CFAP299: variants seen among roughly 807,000 people sequenced by gnomAD.
CFAP299 encodes the protein cilia and flagella associated protein 299.
A neutral mutation model predicts 27.0 loss-of-function variants in CFAP299; 21 were observed. The ratio of observed to expected loss-of-function variants is 0.78; its 90% CI spans 0.55 to 1.12. The LOEUF (loss-of-function observed/expected upper bound fraction) is 1.12, where lower values mean the gene tolerates loss of function less well. Among genes scored for constraint, CFAP299 ranks in the 50% most tolerant of loss-of-function variants. CFAP299 has a pLI of 0.00. For missense variants in CFAP299, 310 were observed against 276.6 expected, an observed-to-expected ratio of 1.12 and a Z score of -0.86; for synonymous variants, 104 against 98.1, an observed-to-expected ratio of 1.06 and a Z score of -0.36.
intron 4 of CFAP299, among the ~76,000 whole-genome samples, chr4:80,910,193 A>T (rs1735397125): frequency 6.6e-6 from 1 of 152,142 alleles, no homozygotes; most frequent in South Asian, 2.1e-4. Context: ...AGAGCTGGTG[A>T]AGTTGCAGAG....
At chr4:80,858,927 C>G (rs868571461) in intron 3 of CFAP299, among the ~76,000 whole-genome samples, 1 of 151,856 alleles carries the variant, frequency 6.6e-6, no homozygotes, top group Non-Finnish European at 1.5e-5. Flanking sequence ...CTATTAGGTC[C>G]GCTTGGTGCA....
chr4:80,872,001 C>T (rs535266524), intron 4 of CFAP299: 1 of 144,504 alleles, frequency 6.9e-6, no homozygotes. Context: ...TTCTTTTTAT[C>T]TTCTACGCTA....
chr4:80,483,130 G>C (rs1406986135), intron 2 of CFAP299, among the ~76,000 whole-genome samples: 2 of 152,202 alleles, frequency 1.3e-5, no homozygotes, highest in African/African-American at 4.8e-5. Flanking sequence ...GTGGAGGAGG[G>C]GGGCAGAAAA....
At chr4:80,341,655 A>G (rs1473206344) in intron 1 of CFAP299, among the ~76,000 whole-genome samples, 1 of 152,134 alleles carries the variant, frequency 6.6e-6, no homozygotes, top group Non-Finnish European at 1.5e-5. Flanking sequence ...CCCCATAAAA[A>G]CCCCATTTAA....
intron 2 of CFAP299, among the ~76,000 whole-genome samples, chr4:80,451,226 G>A (rs1728889368): frequency 6.6e-6 from 1 of 152,136 alleles, no homozygotes; most frequent in Non-Finnish European, 1.5e-5. Flanking sequence ...GTCCTCAGGT[G>A]GTGTTTCCTC....
intron 3 of CFAP299, among the ~76,000 whole-genome samples, chr4:80,616,252 CCAAAATATG>C (rs1411431654): frequency 1.3e-5 from 2 of 152,070 alleles, no homozygotes; most frequent in African/African-American, 4.8e-5. Flanking sequence ...TCTGTTTGCT[CCAAAATATG>C]CAAAATAGAT....
intron 5 of CFAP299, among the ~76,000 whole-genome samples, chr4:80,951,949 AC>A (rs1190401516): frequency 6.6e-6 from 1 of 152,190 alleles, no homozygotes; most frequent in Non-Finnish European, 1.5e-5. Flanking sequence ...CTAATAAATC[AC>A]CATCACTGCT....
At chr4:80,531,408 C>A (rs1029361045) in intron 2 of CFAP299, among the ~76,000 whole-genome samples, 3 of 152,086 alleles carry the variant, frequency 2.0e-5, no homozygotes, top group Non-Finnish European at 4.4e-5. Flanking sequence ...TTAACTTTGC[C>A]AATTTTCAAT....
At chr4:80,630,630 A>C (rs536032096) in intron 3 of CFAP299, among the ~76,000 whole-genome samples, 1 of 152,204 alleles carries the variant, frequency 6.6e-6, no homozygotes, top group South Asian at 2.1e-4. Flanking sequence ...GGAAAGACAA[A>C]GATATAATGA....
rs758486908 is a variant in CFAP299, at chr4:80,420,202, G to C, written c.242+57318G>C. ...GGAATAGATGGTAAATGTTTCTTTCGGACTTTTACAGGTGTCAGACTCTCA... is the reference window on the plus strand; with the variant it reads ...GGAATAGATGGTAAATGTTTCTTTCCGACTTTTACAGGTGTCAGACTCTCA... On this transcript the variant is annotated intron_variant, in intron 2 of 5. Coordinates refer to ENST00000358105, the MANE Select transcript of CFAP299 (RefSeq NM_152770.3). 11 of 455,720 alleles carry C rather than the reference G, an allele frequency of 2.4e-5. No individual in the cohort carries two copies. The East Asian group carries it at 7.6e-4, about 32-fold the overall frequency. 28.2% of individuals were successfully genotyped at this position (455,720 alleles called of 1,614,324 possible). A position where few individuals can be genotyped will look rare whatever the true frequency, so the allele number is the denominator to read the frequency against.
chr4:80,543,092 T>G (rs908085342), intron 2 of CFAP299, among the ~76,000 whole-genome samples: 2 of 152,140 alleles, frequency 1.3e-5, no homozygotes, highest in African/African-American at 2.4e-5. Flanking sequence ...AGTTCACCAG[T>G]GCAGAGCTTT....
intron 3 of CFAP299, among the ~76,000 whole-genome samples, chr4:80,619,485 A>T (rs1213974641): frequency 6.6e-6 from 1 of 152,160 alleles, no homozygotes; most frequent in African/African-American, 2.4e-5. Context: ...CTACTGAAAG[A>T]AGAAACCAAT....
chr4:80,813,291 G>A (rs1369629036), intron 3 of CFAP299, among the ~76,000 whole-genome samples: 3 of 151,970 alleles, frequency 2.0e-5, no homozygotes, highest in African/African-American at 7.2e-5. Context: ...CTTTGGCACA[G>A]TAAATTTAGA....
chr4:80,510,311 C>T (rs1732233440), intron 2 of CFAP299, among the ~76,000 whole-genome samples: 1 of 152,094 alleles, frequency 6.6e-6, no homozygotes, highest in South Asian at 2.1e-4. Flanking sequence ...TTTCTTTGAC[C>T]AGTCAGTTCA....
rs544539934 is a variant in CFAP299, at chr4:80,556,962, C to T, written c.243-26131C>T. On this transcript the variant is annotated intron_variant, in intron 2 of 5. Transcript: ENST00000358105. Reference sequence around the variant, plus strand: ...TGCTCAAAAGAGAAAACCAAAATTTCACCTTTTGTATGGTATATAACTAAA... The same window carrying T: ...TGCTCAAAAGAGAAAACCAAAATTTTACCTTTTGTATGGTATATAACTAAA... Among the ~76,000 whole-genome samples, 13 of 152,166 alleles carry T rather than the reference C, an allele frequency of 8.5e-5. 1 individual carries two copies. The South Asian group carries it at 2.7e-3, about 32-fold the overall frequency.
At chr4:80,336,911 ATT>A (rs1475742472) in intron 1 of CFAP299, among the ~76,000 whole-genome samples, 2 of 152,192 alleles carry the variant, frequency 1.3e-5, no homozygotes, top group Non-Finnish European at 2.9e-5. Context: ...AGGTAACTGC[ATT>A]TTAGTGGATT....
At chr4:80,713,952 C>T (rs946697977) in intron 3 of CFAP299, among the ~76,000 whole-genome samples, 1 of 152,106 alleles carries the variant, frequency 6.6e-6, no homozygotes, top group African/African-American at 2.4e-5. Context: ...AGGAAGAAGA[C>T]TGCTGATGCC....
At chr4:80,772,984 A>T (rs1726309380) in intron 3 of CFAP299, among the ~76,000 whole-genome samples, 1 of 152,182 alleles carries the variant, frequency 6.6e-6, no homozygotes. Context: ...GATAAGCTGG[A>T]TAAAGAAAAT....
At chr4:80,635,304 A>G (rs1427208329) in intron 3 of CFAP299, among the ~76,000 whole-genome samples, 1 of 152,104 alleles carries the variant, frequency 6.6e-6, no homozygotes, top group Non-Finnish European at 1.5e-5. Context: ...TTCCCATAGA[A>G]AGTGTCTCAT....
Sources: gnomAD v4.1 joint callset for allele counts (sites outside exome capture counted in the v4.1 genomes callset) on GRCh38, gnomAD v4.1.1 for gene constraint, MANE v1.5 for transcripts, NCBI Gene and HGNC (gene_info 2026-07-23, HGNC 2026-07-21) for gene names.